PMPCB: variants seen among roughly 807,000 people sequenced by gnomAD.
PMPCB encodes the protein peptidase, mitochondrial processing subunit beta.
PMPCB carries 46 observed loss-of-function variants against 61.5 expected under a neutral mutation model. The ratio of observed to expected loss-of-function variants is 0.75; its 90% CI spans 0.59 to 0.96. PMPCB has a LOEUF of 0.96. PMPCB is among the 40% of genes least tolerant of loss of function. The pLI, the probability that PMPCB is intolerant of heterozygous loss-of-function variation, is 0.00. For missense variants in PMPCB, 590 were observed against 602.4 expected (o/e 0.98, Z 0.22); for synonymous variants, 191 against 201.6 (o/e 0.95, Z 0.44).
Position 103,304,421 on chromosome 7 carries a change from C to T in PMPCB, c.667C>T (p.Arg223Cys), listed in dbSNP as rs563490637. 7.6e-6 allele frequency: 12 copies of T among 1,582,172 alleles called. No homozygotes were observed. Among genetic ancestry groups the T allele is most frequent in the South Asian group, 4.4e-5 (4 of 90,258 alleles). The part of the protein sequence containing the change: ...GPTENIKSIS[R>C]KDLVDYITTH... ...TTACTTCATTTACAGATCTATAAGT[C>T]GTAAGGACTTAGTGGATTATATAAC... Residue 223 changes from arginine (R) to cysteine (C), a missense_variant, in exon 6 of 13, where the codon CGT becomes TGT. Arg to Cys is a radical substitution (Grantham distance 180, BLOSUM62 -3). Coordinates refer to ENST00000249269, the MANE Select transcript of PMPCB (RefSeq NM_004279.3).
the PMPCB span, chr7:103,337,864 C>T: frequency 7.5e-7 from 1 of 1,329,920 alleles, no homozygotes; most frequent in South Asian, 1.2e-5. Context: ...CAATATATTC[C>T]ATCCCTTGTG....
downstream of PMPCB, among the ~76,000 whole-genome samples, chr7:103,318,914 C>G (rs1818224682): frequency 6.6e-6 from 1 of 152,142 alleles, no homozygotes. Flanking sequence ...ACAACAGCAC[C>G]TTACTACATA....
At chr7:103,342,308 CTT>C in the PMPCB span, among the ~76,000 whole-genome samples, 6 of 143,026 alleles carry the variant, frequency 4.2e-5, no homozygotes, top group Admixed American at 7.0e-5. Context: ...TATTTTTTTA[CTT>C]TTTTTTTTTT....
At chr7:103,329,432 A>C (rs1022374466) in exon 13 of PMPCB, 1 of 152,260 alleles carries the variant, frequency 6.6e-6, no homozygotes, top group African/African-American at 2.4e-5. Context: ...TATGTTTATT[A>C]ATAATTTTTC....
intron 12 of PMPCB, chr7:103,323,634 G>T: frequency 6.9e-7 from 1 of 1,456,350 alleles, no homozygotes; most frequent in Non-Finnish European, 9.4e-7. Context: ...ATCTAAATAA[G>T]AAAATTCTCT....
chr7:103,315,850 A>T, downstream of PMPCB: 1 of 1,613,184 alleles, frequency 6.2e-7, no homozygotes. Flanking sequence ...CTTTTTATTT[A>T]TGTCATCTTT....
chr7:103,316,730 C>T, downstream of PMPCB: 2 of 1,007,450 alleles, frequency 2.0e-6, no homozygotes, highest in Non-Finnish European at 2.9e-6. Flanking sequence ...GAATTTATCT[C>T]TGCAAGTTTC....
Position 103,313,083 on chromosome 7 carries a change from G to T in PMPCB, c.*812G>T. ...CTTCTGTTCTTCTGTTGTCCAAGGG[G>T]TGAAGTCTGTATATGGACCTGATTA... is the stretch of plus-strand genomic sequence containing the variant. On this transcript the variant is annotated 3_prime_UTR_variant, in exon 13 of 13. Transcript: ENST00000249269. The T allele has an allele frequency of 6.2e-7, 1 of 1,613,220 alleles. No individual in the cohort carries two copies. Among genetic ancestry groups the T allele is most frequent in the Non-Finnish European group, 8.5e-7 (1 of 1,179,730 alleles).
chr7:103,303,945 C>G lies in PMPCB; in HGVS notation c.561C>G (p.Thr187=), dbSNP rs919729539. The part of the protein sequence containing the change: ...VILREMQEVE[T]NLQEVVFDYL... ...TTAGAGAGATGCAGGAAGTTGAAAC[C>G]AATTTACAAGAAGTTGTTTTTGATT... is the stretch of plus-strand genomic sequence containing the variant. The change falls in exon 5 of 13, where the codon ACC becomes ACG. Residue 187 remains threonine, a synonymous_variant. Coordinates refer to ENST00000249269, the MANE Select transcript of PMPCB (RefSeq NM_004279.3). 6.2e-7 allele frequency: 1 copy of G among 1,613,294 alleles called. No homozygotes were observed. Among genetic ancestry groups the G allele is most frequent in the African/African-American group, 1.3e-5 (1 of 74,886 alleles).
At chr7:103,342,339 C>T in the PMPCB span, among the ~76,000 whole-genome samples, 4 of 148,286 alleles carry the variant, frequency 2.7e-5, no homozygotes, top group East Asian at 7.8e-4. Context: ...AAGTTTTGCT[C>T]TTACTGCCCA....
the PMPCB span, among the ~76,000 whole-genome samples, chr7:103,339,197 G>A: frequency 6.6e-6 from 1 of 152,188 alleles, no homozygotes; most frequent in Admixed American, 6.5e-5. Context: ...TATAAGCTGT[G>A]TGTAAGCAGT....
At chr7:103,302,570 G>T (rs1817478919) in intron 4 of PMPCB, among the ~76,000 whole-genome samples, 1 of 152,086 alleles carries the variant, frequency 6.6e-6, no homozygotes, top group African/African-American at 2.4e-5. Flanking sequence ...TGGACAGATG[G>T]GTTTTATTTG....
intron 6 of PMPCB, among the ~76,000 whole-genome samples, chr7:103,307,026 C>G (rs913904083): frequency 6.6e-6 from 1 of 151,594 alleles, no homozygotes; most frequent in Non-Finnish European, 1.5e-5. Flanking sequence ...CCCAAAGTGC[C>G]GGGATTACAG....
chr7:103,314,599 T>C lies in PMPCB; in HGVS notation c.*2328T>C. The C allele has an allele frequency of 1.0e-6, 1 of 985,322 alleles. No individual in the cohort carries two copies. Among genetic ancestry groups the C allele is most frequent in the Non-Finnish European group, 1.2e-6 (1 of 829,854 alleles). 61.0% of individuals were successfully genotyped at this position (985,322 alleles called of 1,614,324 possible). On this transcript the variant is annotated 3_prime_UTR_variant, in exon 13 of 13. Coordinates refer to ENST00000249269, the MANE Select transcript of PMPCB (RefSeq NM_004279.3). ...GAGATAAAGGTGCAGGAGAATAAAC[T>C]CCTTTATAAAGAAGTGTCTTTCAGG...
At chr7:103,304,635 T>A in intron 6 of PMPCB, 145 bp downstream of exon 6, 1 of 648,852 alleles carries the variant, frequency 1.5e-6, no homozygotes, top group Non-Finnish European at 2.8e-6. Flanking sequence ...TGTGGAGCAC[T>A]GGAATCAGAA....
At chr7:103,342,101 A>G in the PMPCB span, 1 of 523,788 alleles carries the variant, frequency 1.9e-6, no homozygotes, top group East Asian at 3.3e-5. Context: ...AATTGCAGTC[A>G]TCCAGTTTAC....
the PMPCB span, among the ~76,000 whole-genome samples, chr7:103,338,344 T>TG: frequency 6.6e-6 from 1 of 150,520 alleles, no homozygotes; most frequent in East Asian, 2.0e-4. Flanking sequence ...TTGCCCAGGC[T>TG]GGAGTGCAGT....
At chr7:103,337,846 A>C in the PMPCB span, 3 of 1,488,242 alleles carry the variant, frequency 2.0e-6, no homozygotes, top group Non-Finnish European at 2.8e-6. Context: ...TCAAATTTGA[A>C]ATGAAGCCAA....
At chr7:103,323,799 CTTT>C in intron 12 of PMPCB, 1 of 674,532 alleles carries the variant, frequency 1.5e-6, no homozygotes, top group Non-Finnish European at 2.1e-6. Context: ...AGTCTTTCTC[CTTT>C]TTTAAGGACA....
Sources: gnomAD v4.1 joint callset for allele counts (sites outside exome capture counted in the v4.1 genomes callset) on GRCh38, gnomAD v4.1.1 for gene constraint, MANE v1.5 for transcripts, NCBI Gene and HGNC (gene_info 2026-07-23, HGNC 2026-07-21) for gene names.